Variants in RBMS3 observed in about 807,000 individuals in gnomAD.
RBMS3 encodes the protein RNA-binding motif, single-stranded-interacting protein 3.
RBMS3 carries 27 observed loss-of-function variants against 66.8 expected under a neutral mutation model. That is an observed-to-expected ratio of 0.40 (90% confidence interval 0.30 to 0.56). RBMS3 has a LOEUF of 0.56. RBMS3 is among the 20% of genes least tolerant of loss of function. RBMS3 has a pLI of 0.40. For missense variants in RBMS3, 513 were observed against 549.5 expected (o/e 0.93, Z 0.66); for synonymous variants, 188 against 183.0 (o/e 1.03, Z -0.22).
intron 1 of RBMS3, among the ~76,000 whole-genome samples, chr3:29,330,943 T>C (rs751636834): frequency 5.3e-5 from 8 of 152,168 alleles, no homozygotes; most frequent in Non-Finnish European, 1.0e-4. Flanking sequence ...ATTTCACAGC[T>C]AGTAGTGTCC....
In RBMS3 at chr3:29,486,326, G is replaced by A. The variant is rs75158124; in HGVS notation, c.249-2115G>A. Among the ~76,000 whole-genome samples, 84 of 152,238 alleles carry A rather than the reference G, an allele frequency of 5.5e-4. 1 individual carries two copies. In the East Asian group the frequency reaches 0.012, roughly 21 times the overall value. ...AAATTAATTGTTAATGCAGAATGTT[G>A]TAACGGAGCCATGGAATGAAATTCC... is the stretch of plus-strand genomic sequence containing the variant. On this transcript the variant is annotated intron_variant, in intron 2 of 14. Coordinates refer to ENST00000383767, the MANE Select transcript of RBMS3 (RefSeq NM_001003793.3).
At chr3:29,550,231 C>T (rs1424245550) in intron 3 of RBMS3, among the ~76,000 whole-genome samples, 6 of 152,296 alleles carry the variant, frequency 3.9e-5, no homozygotes, top group South Asian at 2.1e-4. Flanking sequence ...CTCACCAACA[C>T]AAAGTTGTAT....
In RBMS3 at chr3:29,761,667, C is replaced by T. The variant is rs570484446; in HGVS notation, c.558-1243C>T. Among the ~76,000 whole-genome samples, 5 of 152,124 alleles carry T rather than the reference C, an allele frequency of 3.3e-5. No homozygotes were observed. The South Asian group carries it at 1.0e-3, about 32-fold the overall frequency. On this transcript the variant is annotated intron_variant, in intron 5 of 14. Transcript: ENST00000383767. ...AGCATATTTTTTTTGTATCTTGTTT[C>T]CTTTGCCATGTAATATGGTCCTATA...
At chr3:29,796,296 T>C (rs1425828044) in intron 6 of RBMS3, among the ~76,000 whole-genome samples, 1 of 152,184 alleles carries the variant, frequency 6.6e-6, no homozygotes, top group Non-Finnish European at 1.5e-5. Flanking sequence ...GTTCTCTTGC[T>C]ATTTTTACCA....
At chr3:29,369,517 CACACACA>C (rs921327274) in intron 1 of RBMS3, among the ~76,000 whole-genome samples, 6 of 150,820 alleles carry the variant, frequency 4.0e-5, no homozygotes, top group Non-Finnish European at 8.9e-5. Flanking sequence ...CACACACACA[CACACACA>C]CACACACACT....
chr3:29,493,437 C>A (rs573698421), intron 3 of RBMS3, among the ~76,000 whole-genome samples: 11 of 152,102 alleles, frequency 7.2e-5, no homozygotes, highest in Non-Finnish European at 8.8e-5. Flanking sequence ...AATAACAGAG[C>A]CTCACTCACA....
intron 1 of RBMS3, among the ~76,000 whole-genome samples, chr3:29,323,739 A>G (rs2035155390): frequency 6.6e-6 from 1 of 150,808 alleles, no homozygotes; most frequent in African/African-American, 2.4e-5. Flanking sequence ...CCTTGGACTG[A>G]ATTCTAGATG....
chr3:29,626,011 A>G (rs2049049937), intron 4 of RBMS3, among the ~76,000 whole-genome samples: 2 of 152,220 alleles, frequency 1.3e-5, no homozygotes, highest in Admixed American at 6.5e-5. Flanking sequence ...TTTTAGTGGC[A>G]ACCAACAAAA....
At chr3:29,326,459 G>A (rs899110934) in intron 1 of RBMS3, among the ~76,000 whole-genome samples, 6 of 152,118 alleles carry the variant, frequency 3.9e-5, no homozygotes, top group Non-Finnish European at 8.8e-5. Flanking sequence ...CTGTAGTTCT[G>A]ATTCCCAACT....
At chr3:29,745,551 A>T (rs544486648) in intron 5 of RBMS3, among the ~76,000 whole-genome samples, 1 of 152,200 alleles carries the variant, frequency 6.6e-6, no homozygotes, top group Non-Finnish European at 1.5e-5. Context: ...GGGTGTTATG[A>T]GAGGCCAGTA....
In RBMS3 at chr3:29,439,124, C is replaced by A. The variant is rs537726027; in HGVS notation, c.248+4209C>A. On this transcript the variant is annotated intron_variant, in intron 2 of 14. Coordinates refer to ENST00000383767, the MANE Select transcript of RBMS3 (RefSeq NM_001003793.3). ...AGGACAAAGGGCTAAGAAAAAGCCA[C>A]GTGACTATAGCAGAGAGAAAGAGGT... Among the ~76,000 whole-genome samples, 9 of 152,106 alleles carry A rather than the reference C, an allele frequency of 5.9e-5. No individual in the cohort carries two copies. In the East Asian group the frequency reaches 1.7e-3, roughly 29 times the overall value.
rs2056205249 is a variant in RBMS3, at chr3:29,771,653, C to G, written c.637+8664C>G. Among the ~76,000 whole-genome samples, 5 of 152,090 alleles carry G rather than the reference C, an allele frequency of 3.3e-5. No individual in the cohort carries two copies. In the South Asian group the frequency reaches 1.0e-3, roughly 32 times the overall value. On this transcript the variant is annotated intron_variant, in intron 6 of 14. Transcript: ENST00000383767. ...TTTGTTCTCGCATTGATATAAAGAA[C>G]TACCTGAGGCTGGGTAATTTATAAA...
At chr3:29,482,697 CTTTCTTTTTT>C (rs901028540) in intron 2 of RBMS3, among the ~76,000 whole-genome samples, 7 of 92,944 alleles carry the variant, frequency 7.5e-5, no homozygotes, top group East Asian at 6.9e-4. Context: ...TTCTTTCTTT[CTTTCTTTTTT>C]TTTTTTTTTT....
intron 4 of RBMS3, among the ~76,000 whole-genome samples, chr3:29,694,492 G>T (rs569017133): frequency 1.2e-3 from 180 of 152,254 alleles, no homozygotes; most frequent in Non-Finnish European, 2.3e-3. Context: ...AGTTATTACT[G>T]TAGAACTAGT....
At chr3:29,715,381 T>A (rs2053348812) in intron 4 of RBMS3, among the ~76,000 whole-genome samples, 1 of 152,158 alleles carries the variant, frequency 6.6e-6, no homozygotes, top group African/African-American at 2.4e-5. Context: ...GTAAAATCAG[T>A]TTTTGTAACT....
chr3:29,907,539 G>T (rs938976677), intron 10 of RBMS3, among the ~76,000 whole-genome samples: 1 of 151,752 alleles, frequency 6.6e-6, no homozygotes, highest in Non-Finnish European at 1.5e-5. Flanking sequence ...GTAATTAATT[G>T]TATCATAATT....
chr3:29,967,488 G>A (rs1181984578), intron 12 of RBMS3, among the ~76,000 whole-genome samples: 1 of 152,138 alleles, frequency 6.6e-6, no homozygotes, highest in East Asian at 1.9e-4. Flanking sequence ...GTAGAGACGG[G>A]ATTTCACCAT....
At chr3:29,847,908 G>C (rs779002430) in intron 6 of RBMS3, among the ~76,000 whole-genome samples, 1 of 152,044 alleles carries the variant, frequency 6.6e-6, no homozygotes, top group African/African-American at 2.4e-5. Context: ...CGCCCGCCTC[G>C]GCCTTCCAAA....
chr3:29,484,069 A>G lies in RBMS3; in HGVS notation c.249-4372A>G, dbSNP rs74816765. Among the ~76,000 whole-genome samples, 1,208 of 152,342 alleles carry G rather than the reference A, an allele frequency of 7.9e-3. 8 individuals are homozygous for G. Among genetic ancestry groups the G allele is most frequent in the Non-Finnish European group, 0.012 (815 of 68,036 alleles). On this transcript the variant is annotated intron_variant, in intron 2 of 14. Transcript: ENST00000383767. ...ACTGTGAGACTTCTAGGCTTCTGTT[A>G]TCATACACAAATGTTAGATGAGAAA...
Sources: allele counts gnomAD v4.1 joint callset (sites outside exome capture counted in the v4.1 genomes callset), GRCh38; gene constraint gnomAD v4.1.1; transcripts MANE v1.5; gene names NCBI Gene and HGNC (gene_info 2026-07-23, HGNC 2026-07-21).